The following DIP2B variants were observed in gnomAD, a reference collection of about 807,000 sequenced individuals.
DIP2B encodes DIP2 acetate--CoA ligase B (putative).
A neutral mutation model predicts 198.0 loss-of-function variants in DIP2B; 76 were observed. That is an observed-to-expected ratio of 0.38 (90% confidence interval 0.32 to 0.46). The LOEUF (loss-of-function observed/expected upper bound fraction) is 0.46, where lower values mean the gene tolerates loss of function less well. Ranked by LOEUF, DIP2B falls within the 20% of genes least tolerant of loss-of-function variation. The pLI is 0.99. For missense variants in DIP2B, 1,559 were observed against 1,978.4 expected (o/e 0.79, Z 4.02); for synonymous variants, 701 against 739.1 (o/e 0.95, Z 0.84).
chr12:50,735,216 A>G, intron 34 of DIP2B, 86 bp downstream of exon 34: 1 of 1,467,262 alleles, frequency 6.8e-7, no homozygotes, highest in Non-Finnish European at 9.5e-7. Flanking sequence ...ATAATATATT[A>G]GTGTCCAGGG....
In DIP2B at chr12:50,671,203, G is replaced by A; in HGVS notation, c.445G>A (p.Glu149Lys). The A allele has an allele frequency of 6.2e-7, 1 of 1,614,164 alleles. No homozygotes were observed. The highest frequency in any genetic ancestry group is 8.5e-7 in the Non-Finnish European group (1 of 1,180,032). Residue 149 changes from glutamate (E) to lysine (K), a missense_variant, in exon 5 of 38, where the codon GAG becomes AAG. By Grantham distance (56) the Glu-to-Lys change is moderately conservative (BLOSUM62 1). Coordinates refer to ENST00000301180, the MANE Select transcript of DIP2B (RefSeq NM_173602.3). ...CTPPDTSSAS[E>K]DEGSLRRQAA... ...CCACACAGACACATCTTCGGCCTCT[G>A]AGGATGAGGGCTCTCTGAGACGCCA...
chr12:50,508,186 G>C (rs1957984594), intron 1 of DIP2B, among the ~76,000 whole-genome samples: 1 of 152,196 alleles, frequency 6.6e-6, no homozygotes, highest in Admixed American at 6.5e-5. Context: ...AAAAAGAACA[G>C]GCTGAAACTG....
chr12:50,701,020 C>A (rs1387677930), intron 19 of DIP2B, among the ~76,000 whole-genome samples: 1 of 152,062 alleles, frequency 6.6e-6, no homozygotes, highest in Non-Finnish European at 1.5e-5. Context: ...AATTTTTCTT[C>A]ATTGACTTTT....
chr12:50,625,041 T>C (rs2139468386), intron 1 of DIP2B, among the ~76,000 whole-genome samples: 1 of 152,340 alleles, frequency 6.6e-6, no homozygotes, highest in East Asian at 1.9e-4. Flanking sequence ...TACTACAATT[T>C]GACTTTTTTT....
intron 1 of DIP2B, among the ~76,000 whole-genome samples, chr12:50,565,968 A>G (rs1039702788): frequency 6.6e-6 from 1 of 152,110 alleles, no homozygotes; most frequent in Non-Finnish European, 1.5e-5. Context: ...TAAACAGTGA[A>G]ATTTTTATTT....
chr12:50,525,513 C>CTTTT (rs747688876), intron 1 of DIP2B, among the ~76,000 whole-genome samples: 1 of 139,360 alleles, frequency 7.2e-6, no homozygotes, highest in African/African-American at 2.6e-5. Context: ...TCTAGGTCCC[C>CTTTT]TTTTTTTTTT....
At chr12:50,726,595 C>T (rs1939939545) in intron 28 of DIP2B, among the ~76,000 whole-genome samples, 1 of 152,014 alleles carries the variant, frequency 6.6e-6, no homozygotes, top group Admixed American at 6.5e-5. Context: ...AAGTGGTCTA[C>T]CTGCCTCGGC....
At chr12:50,714,720 G>A (rs537336731) in intron 23 of DIP2B, 124 bp downstream of exon 23, 18 of 1,164,634 alleles carry the variant, frequency 1.5e-5, no homozygotes, top group Middle Eastern at 2.6e-4. Context: ...TGGGAGGGTC[G>A]TGTGAGCCCA....
At position 50,676,101 on chromosome 12, in the gene DIP2B, A is replaced by G. The variant is rs114725385; in HGVS notation, c.916+653A>G. On this transcript the variant is annotated intron_variant, in intron 7 of 37. Coordinates refer to ENST00000301180, the MANE Select transcript of DIP2B (RefSeq NM_173602.3). ...AGTGTAACAGTGATTTATTCATTCA[A>G]TAATTTTTAAATTATGGATAAAACC... Among the ~76,000 whole-genome samples, 437 of 152,354 alleles carry G rather than the reference A, an allele frequency of 2.9e-3. 2 individuals carry two copies. The highest frequency in any genetic ancestry group is 9.8e-3 in the African/African-American group (409 of 41,570).
intron 1 of DIP2B, among the ~76,000 whole-genome samples, chr12:50,597,630 C>G (rs999829703): frequency 2.6e-5 from 4 of 152,154 alleles, no homozygotes; most frequent in Non-Finnish European, 5.9e-5. Context: ...GAGGAGAACA[C>G]AGCACATGGG....
intron 4 of DIP2B, among the ~76,000 whole-genome samples, chr12:50,667,249 T>G (rs1053759044): frequency 3.3e-5 from 5 of 152,234 alleles, no homozygotes; most frequent in African/African-American, 1.2e-4. Context: ...CAATGGTGCC[T>G]TGTTAAAATC....
At chr12:50,513,705 C>T (rs955563914) in intron 1 of DIP2B, among the ~76,000 whole-genome samples, 1 of 152,020 alleles carries the variant, frequency 6.6e-6, no homozygotes, top group Non-Finnish European at 1.5e-5. Context: ...GAAACCCCGT[C>T]TCTACTAAAA....
At chr12:50,673,285 A>C (rs1342113744) in intron 5 of DIP2B, among the ~76,000 whole-genome samples, 2 of 152,212 alleles carry the variant, frequency 1.3e-5, no homozygotes, top group African/African-American at 4.8e-5. Context: ...TGTTTGTATT[A>C]TGCTTTTTTC....
intron 1 of DIP2B, among the ~76,000 whole-genome samples, chr12:50,552,544 T>G (rs948853402): frequency 1.3e-5 from 2 of 152,136 alleles, no homozygotes; most frequent in African/African-American, 2.4e-5. Flanking sequence ...TCTTTTTATA[T>G]TCTGGATATT....
intron 1 of DIP2B, among the ~76,000 whole-genome samples, chr12:50,518,542 TAAC>T (rs1047079065): frequency 6.6e-6 from 1 of 152,194 alleles, no homozygotes; most frequent in Non-Finnish European, 1.5e-5. Flanking sequence ...TTTCTAATCT[TAAC>T]AACTCCTAGA....
chr12:50,643,848 CTTA>C (rs1938303281), intron 3 of DIP2B, among the ~76,000 whole-genome samples: 1 of 152,096 alleles, frequency 6.6e-6, no homozygotes, highest in Admixed American at 6.5e-5. Context: ...GGGAGCTGAC[CTTA>C]TATCTGTTTG....
chr12:50,660,215 A>G lies in DIP2B; in HGVS notation c.323A>G (p.Gln108Arg), dbSNP rs1208419493. 3.1e-6 allele frequency: 5 copies of G among 1,612,394 alleles called. No individual in the cohort carries two copies. Among genetic ancestry groups the G allele is most frequent in the Non-Finnish European group, 3.4e-6 (4 of 1,179,276 alleles). Residue 108 changes from glutamine to arginine, a missense_variant, in exon 4 of 38, where the codon CAG becomes CGG. Coordinates refer to ENST00000301180, the MANE Select transcript of DIP2B (RefSeq NM_173602.3). Reference sequence around the variant, plus strand: ...TCAGATATCCACACAGAAGCAGTTCAGGCTGCACTGGCAAAGCATAAAGAA... The same window carrying G: ...TCAGATATCCACACAGAAGCAGTTCGGGCTGCACTGGCAAAGCATAAAGAA... ...YRSDIHTEAV[Q>R]AALAKHKEQK... is the part of the protein sequence containing the mutation.
chr12:50,729,669 T>A (rs1940001525), intron 30 of DIP2B, among the ~76,000 whole-genome samples: 1 of 152,116 alleles, frequency 6.6e-6, no homozygotes. Context: ...GTTCTTCCTG[T>A]GATGGACTGA....
intron 22 of DIP2B, among the ~76,000 whole-genome samples, chr12:50,713,963 G>A (rs186994352): frequency 1.3e-5 from 2 of 152,314 alleles, no homozygotes; most frequent in East Asian, 1.9e-4. Context: ...TTAGCCAGAC[G>A]CAGTGGTGCA....
Sources: gnomAD v4.1 joint callset for allele counts (sites outside exome capture counted in the v4.1 genomes callset) on GRCh38, gnomAD v4.1.1 for gene constraint, MANE v1.5 for transcripts, NCBI Gene and HGNC (gene_info 2026-07-23, HGNC 2026-07-21) for gene names.